The following XPO6 variants were observed in gnomAD, a reference collection of about 807,000 sequenced individuals.
XPO6 encodes the protein exportin-6.
XPO6 carries 3 observed loss-of-function variants against 130.0 expected under a neutral mutation model. The observed-to-expected ratio is 0.02, with a 90% CI of 0.01 to 0.06. The LOEUF (loss-of-function observed/expected upper bound fraction) is 0.06. Among genes scored for constraint, XPO6 ranks in the 10% least tolerant of loss-of-function variants. The probability of loss-of-function intolerance (pLI) is 1.00; values close to 1 mark genes in which losing one functional copy is unlikely to be tolerated. For synonymous variants in XPO6, 524 were observed against 548.9 expected (o/e 0.95, Z 0.63); for missense variants, 970 against 1,393.0 (o/e 0.70, Z 4.83).
chr16:28,152,575 G>A (rs2043114411), intron 8 of XPO6, 84 bp downstream of exon 8: 1 of 1,493,854 alleles, frequency 6.7e-7, no homozygotes, highest in African/African-American at 1.4e-5. Flanking sequence ...GGAAAATAAA[G>A]TTGAAAGAAA....
At chr16:28,143,069 GAATA>G (rs1476706728) in intron 9 of XPO6, among the ~76,000 whole-genome samples, 1 of 152,126 alleles carries the variant, frequency 6.6e-6, no homozygotes, top group Non-Finnish European at 1.5e-5. Context: ...GTTTAAAAAA[GAATA>G]AATCATGAAA....
Position 28,132,722 on chromosome 16 carries a change from CT to C in XPO6, c.1537-320del, listed in dbSNP as rs1483184970. Among the ~76,000 whole-genome samples, 1 of 151,828 alleles carries C rather than the reference CT, an allele frequency of 6.6e-6. No individual in the cohort carries two copies. The highest frequency in any genetic ancestry group is 1.5e-5 in the Non-Finnish European group (1 of 67,994). On this transcript the variant is annotated intron_variant, in intron 11 of 23. Coordinates refer to ENST00000304658, the MANE Select transcript of XPO6 (RefSeq NM_015171.4). The surrounding 1 kb of genome is among the most constrained non-coding windows in gnomAD (Gnocchi z 4.0). Reference sequence around the variant, plus strand: ...CGTTCCTAATAGAGGAGATCAAACCCTGAAATGACCTACACCTTCTAGAACT... The same window carrying C: ...CGTTCCTAATAGAGGAGATCAAACCCGAAATGACCTACACCTTCTAGAACT...
intron 4 of XPO6, among the ~76,000 whole-genome samples, chr16:28,171,326 G>A (rs1307892898): frequency 1.3e-5 from 2 of 151,464 alleles, no homozygotes; most frequent in African/African-American, 4.9e-5. Context: ...GGTGGCAGGC[G>A]CCTATAGTCC....
rs568359716 is a variant in XPO6, at chr16:28,141,675, C to T, written c.1334+4419G>A. On this transcript the variant is annotated intron_variant, in intron 9 of 23. Coordinates refer to ENST00000304658, the MANE Select transcript of XPO6 (RefSeq NM_015171.4). ...TCAGGCTCTCTCAAGTCCCCACAGT[C>T]TCTCATCAAGAAATTCCTCTCACAC... Among the ~76,000 whole-genome samples the T allele has an allele frequency of 8.7e-4, 132 of 152,296 alleles. No homozygotes were observed. In the South Asian group the frequency reaches 0.013, roughly 15 times the overall value.
At chr16:28,133,737 G>A (rs190914216) in intron 11 of XPO6, 104 bp downstream of exon 11, 3 of 965,036 alleles carry the variant, frequency 3.1e-6, no homozygotes, top group East Asian at 2.7e-5. Context: ...AAATTACATA[G>A]AGGGGAAAGA....
At chr16:28,103,163 T>A (rs2086689641) in intron 21 of XPO6, among the ~76,000 whole-genome samples, 1 of 152,154 alleles carries the variant, frequency 6.6e-6, no homozygotes, top group Non-Finnish European at 1.5e-5. Context: ...CCCTCACCCC[T>A]AAGGCAACCA....
At chr16:28,197,902 CAG>C (rs1185299940) in intron 1 of XPO6, among the ~76,000 whole-genome samples, 2 of 98,766 alleles carry the variant, frequency 2.0e-5, no homozygotes, top group Non-Finnish European at 1.8e-5. Flanking sequence ...CTGAGCAACA[CAG>C]AGAGACTCTT....
intron 14 of XPO6, among the ~76,000 whole-genome samples, chr16:28,118,662 G>C (rs925081599): frequency 1.3e-5 from 2 of 152,236 alleles, no homozygotes; most frequent in Non-Finnish European, 2.9e-5. Flanking sequence ...GGCCTAGCCT[G>C]TTAATCACTT....
chr16:28,104,103 G>A (rs114622208), intron 21 of XPO6, among the ~76,000 whole-genome samples: 531 of 152,286 alleles, frequency 3.5e-3, no homozygotes, highest in Middle Eastern at 6.8e-3. Context: ...CCCTGAAAGC[G>A]AATGCTCCCT....
intron 2 of XPO6, among the ~76,000 whole-genome samples, chr16:28,178,260 G>A (rs1388872927): frequency 6.6e-6 from 1 of 152,038 alleles, no homozygotes; most frequent in Non-Finnish European, 1.5e-5. Flanking sequence ...ATGCAACGAC[G>A]CAGTCTCATT....
intron 7 of XPO6, chr16:28,155,468 A>C (rs2043169129): frequency 6.6e-6 from 1 of 152,122 alleles, no homozygotes; most frequent in South Asian, 2.1e-4. Context: ...AAAAAAAAAA[A>C]AAAGTAGGTC....
At chr16:28,193,963 T>C (rs1302568842) in intron 1 of XPO6, among the ~76,000 whole-genome samples, 3 of 152,100 alleles carry the variant, frequency 2.0e-5, no homozygotes, top group Non-Finnish European at 4.4e-5. Flanking sequence ...GGGAAGGCCT[T>C]AGCATGAACT....
chr16:28,186,371 A>ATTTTTTTTT (rs1237138991), intron 1 of XPO6, among the ~76,000 whole-genome samples: 5 of 10,130 alleles, frequency 4.9e-4, no homozygotes, highest in Admixed American at 1.2e-3. Flanking sequence ...TGCCCCAGTT[A>ATTTTTTTTT]TTCTTTTTTT....
In XPO6 at chr16:28,106,605, G is replaced by T; in HGVS notation, c.2498-108C>A. 1 of 816,032 alleles carries T rather than the reference G, an allele frequency of 1.2e-6. No homozygotes were observed. The highest frequency in any genetic ancestry group is 2.0e-6 in the Non-Finnish European group (1 of 497,170). 50.5% of individuals were successfully genotyped at this position (816,032 alleles called of 1,614,324 possible). On this transcript the variant is annotated intron_variant, in intron 18 of 23. Coordinates refer to ENST00000304658, the MANE Select transcript of XPO6 (RefSeq NM_015171.4). The surrounding 1 kb of genome is among the most constrained non-coding windows in gnomAD (Gnocchi z 4.2). ...ATCTGCACTATCAGCTTTCTCTACA[G>T]CTTCCTGCTGGAAACATTTCCCCAA...
At chr16:28,121,826 C>T in intron 13 of XPO6, 64 bp from the exon 14 acceptor site, 1 of 1,148,648 alleles carries the variant, frequency 8.7e-7, no homozygotes. Flanking sequence ...ACAAAACAGA[C>T]AAGGCTGGTA....
intron 6 of XPO6, among the ~76,000 whole-genome samples, chr16:28,162,831 A>G (rs1437054958): frequency 6.6e-6 from 1 of 152,198 alleles, no homozygotes; most frequent in Non-Finnish European, 1.5e-5. Flanking sequence ...GCTGGGATTT[A>G]CAGGCCTAAG....
rs751215580 is a variant in XPO6 at position 28,104,693 on chromosome 16, A to G, written c.2799T>C (p.Asp933=). 1.4e-5 allele frequency: 23 copies of G among 1,613,916 alleles called. No homozygotes were observed. In the Admixed American group the frequency reaches 3.7e-4, roughly 26 times the overall value. The change falls in exon 21 of 24, where the codon GAT becomes GAC. Residue 933 remains aspartate (D), a synonymous_variant. Transcript: ENST00000304658. ...GGAGCTCAAACAGCTCGGCCTTCACATCAGGGGAGGGACGCTGCAAAGACA... is the reference window on the plus strand; with the variant it reads ...GGAGCTCAAACAGCTCGGCCTTCACGTCAGGGGAGGGACGCTGCAAAGACA... The part of the protein sequence containing the change: ...YPIIAERPSP[D]VKAELFELLF...
At chr16:28,177,829 A>C (rs2043556262) in intron 2 of XPO6, among the ~76,000 whole-genome samples, 1 of 152,242 alleles carries the variant, frequency 6.6e-6, no homozygotes, top group African/African-American at 2.4e-5. Flanking sequence ...GAAAGGAAAA[A>C]AATGCAAGAG....
intron 6 of XPO6, 92 bp downstream of exon 6, chr16:28,166,415 TC>T: frequency 7.4e-7 from 1 of 1,356,868 alleles, no homozygotes; most frequent in East Asian, 2.5e-5. Flanking sequence ...CACCTCAGCC[TC>T]CTCAGTACTG....
Sources: allele counts gnomAD v4.1 joint callset (sites outside exome capture counted in the v4.1 genomes callset), GRCh38; gene constraint gnomAD v4.1.1; non-coding constraint Gnocchi (gnomAD v3.1); transcripts MANE v1.5; gene names NCBI Gene and HGNC (gene_info 2026-07-23, HGNC 2026-07-21).